Variants in SIPA1L3 observed in about 807,000 individuals in gnomAD.
SIPA1L3 encodes the protein signal induced proliferation associated 1 like 3.
SIPA1L3 carries 59 observed loss-of-function variants against 150.1 expected under a neutral mutation model. That is an observed-to-expected ratio of 0.39 (90% CI 0.32 to 0.49). The LOEUF (loss-of-function observed/expected upper bound fraction) is 0.49, where lower values mean the gene tolerates loss of function less well. Ranked by LOEUF, SIPA1L3 falls within the 20% of genes least tolerant of loss-of-function variation. SIPA1L3 has a pLI of 0.86. For missense variants in SIPA1L3, 2,211 were observed against 2,489.5 expected (o/e 0.89, Z 2.38); for synonymous variants, 1,070 against 1,077.6 (o/e 0.99, Z 0.14).
chr19:38,100,608 G>T (rs940491683), intron 5 of SIPA1L3, among the ~76,000 whole-genome samples: 4 of 152,204 alleles, frequency 2.6e-5, no homozygotes, highest in Admixed American at 1.3e-4. Flanking sequence ...AGTCACCAGT[G>T]ACCAGGGGGA....
intron 1 of SIPA1L3, among the ~76,000 whole-genome samples, chr19:37,915,809 G>A (rs1409137156): frequency 6.6e-6 from 1 of 152,202 alleles, no homozygotes; most frequent in Non-Finnish European, 1.5e-5. Flanking sequence ...TGACCTGTGT[G>A]CACTTTGATT....
intron 3 of SIPA1L3, among the ~76,000 whole-genome samples, chr19:38,083,742 G>A (rs1055264824): frequency 4.6e-5 from 7 of 152,156 alleles, no homozygotes; most frequent in Non-Finnish European, 4.4e-5. Flanking sequence ...TGTAATCCCA[G>A]CACTTTGGGA....
intron 1 of SIPA1L3, among the ~76,000 whole-genome samples, chr19:37,982,641 A>C (rs1967230966): frequency 6.6e-6 from 1 of 152,172 alleles, no homozygotes; most frequent in Non-Finnish European, 1.5e-5. Flanking sequence ...CGCCATGTAA[A>C]TGGCTCCAGC....
intron 2 of SIPA1L3, among the ~76,000 whole-genome samples, chr19:38,048,637 C>T (rs574418799): frequency 6.6e-5 from 10 of 152,330 alleles, no homozygotes; most frequent in Admixed American, 5.2e-4. Context: ...CTGCCAAGCT[C>T]AGTCCCTGAC....
At chr19:38,186,542 C>T (rs149176357) in intron 16 of SIPA1L3, among the ~76,000 whole-genome samples, 2,424 of 151,176 alleles carry the variant, frequency 0.016, 64 homozygotes, top group African/African-American at 0.056. Flanking sequence ...TTAATAGAGA[C>T]GGGGTTTCAC....
intron 2 of SIPA1L3, among the ~76,000 whole-genome samples, chr19:38,071,878 A>G (rs1969730975): frequency 6.6e-6 from 1 of 152,284 alleles, no homozygotes; most frequent in Non-Finnish European, 1.5e-5. Context: ...GAAGGAACAC[A>G]TTTTGTGGAT....
At chr19:38,198,258 C>G in intron 18 of SIPA1L3, 131 bp from the exon 19 acceptor site, 1 of 1,113,548 alleles carries the variant, frequency 9.0e-7, no homozygotes, top group Non-Finnish European at 1.2e-6. Flanking sequence ...CCAGCACTCC[C>G]AGACCCCTTA....
At chr19:38,187,008 A>T (rs1250398660) in intron 16 of SIPA1L3, among the ~76,000 whole-genome samples, 4 of 79,830 alleles carry the variant, frequency 5.0e-5, no homozygotes, top group Non-Finnish European at 7.4e-5. Context: ...ACTCTGTCTC[A>T]AAAAAAAAAA....
At chr19:38,202,111 A>T in intron 20 of SIPA1L3, 114 bp downstream of exon 20, 1 of 1,045,786 alleles carries the variant, frequency 9.6e-7, no homozygotes, top group Non-Finnish European at 1.4e-6. Context: ...CTCCGGGCGG[A>T]AGCTGATATA....
At chr19:37,922,554 C>T (rs996575475) in intron 1 of SIPA1L3, among the ~76,000 whole-genome samples, 7 of 151,826 alleles carry the variant, frequency 4.6e-5, no homozygotes, top group Non-Finnish European at 7.4e-5. Context: ...CCACCGCACC[C>T]GGCTAATTTT....
In SIPA1L3 at chr19:38,082,819, C is replaced by G; in HGVS notation, c.1254C>G (p.Asp418Glu). The G allele has an allele frequency of 6.2e-7, 1 of 1,613,694 alleles. No individual in the cohort carries two copies. Residue 418 changes from aspartate (D) to glutamate (E), a missense_variant, in exon 3 of 22, where the codon GAC becomes GAG. Around this residue, in one of 5 missense-constraint regions of SIPA1L3, gnomAD observed 587 missense variants for 534.5 expected, o/e 1.10. Coordinates refer to ENST00000222345, the MANE Select transcript of SIPA1L3 (RefSeq NM_015073.3). ...ACTTGGAGCAGGACCTCGGCGATGA[C>G]AACAGCAACGACCTGCTGCTCAGCT... ...KENLEQDLGD[D>E]NSNDLLLSCP...
intron 3 of SIPA1L3, 152 bp downstream of exon 3, chr19:38,083,251 C>A: frequency 1.2e-6 from 1 of 834,326 alleles, no homozygotes; most frequent in Non-Finnish European, 1.8e-6. Context: ...CTGTGAGGAT[C>A]CGGTGAGCAG....
intron 1 of SIPA1L3, among the ~76,000 whole-genome samples, chr19:38,009,639 G>A (rs1968051559): frequency 6.6e-6 from 1 of 152,080 alleles, no homozygotes. Flanking sequence ...CTCCCACCAT[G>A]TTACTGATGA....
At position 38,081,517 on chromosome 19, in the gene SIPA1L3, A is replaced by T; in HGVS notation, c.-49A>T. ...GGCTGAGGGCTGGGGGACCCCATAG[A>T]GTGACACCACAGCGTACGGGGCCAG... On this transcript the variant is annotated 5_prime_UTR_variant, in exon 3 of 22. Transcript: ENST00000222345. The T allele has an allele frequency of 6.6e-7, 1 of 1,505,946 alleles. No individual in the cohort carries two copies. The highest frequency in any genetic ancestry group is 8.9e-7 in the Non-Finnish European group (1 of 1,117,460). The allele number at this position is 1,505,946 out of a possible 1,614,324, so 93.3% of individuals were successfully genotyped here. A position where few individuals can be genotyped will look rare whatever the true frequency, so the allele number is the denominator to read the frequency against.
chr19:38,176,249 G>A (rs1488109620), intron 15 of SIPA1L3, among the ~76,000 whole-genome samples: 1 of 151,940 alleles, frequency 6.6e-6, no homozygotes, highest in East Asian at 2.0e-4. Context: ...CTGACCTCGG[G>A]TGATCCATTC....
intron 2 of SIPA1L3, among the ~76,000 whole-genome samples, chr19:38,077,270 C>G (rs1218273997): frequency 6.6e-6 from 1 of 151,870 alleles, no homozygotes; most frequent in African/African-American, 2.4e-5. Flanking sequence ...GGGCAACATA[C>G]TAAGACCCCA....
At chr19:38,101,248 T>A in intron 6 of SIPA1L3, 22 bp downstream of exon 6, 1 of 1,487,838 alleles carries the variant, frequency 6.7e-7, no homozygotes, top group Non-Finnish European at 9.0e-7. Context: ...GCCGGTTAGA[T>A]CACAGTGAGC....
At chr19:38,013,373 T>C (rs1968152357) in intron 1 of SIPA1L3, among the ~76,000 whole-genome samples, 1 of 152,004 alleles carries the variant, frequency 6.6e-6, no homozygotes, top group Non-Finnish European at 1.5e-5. Flanking sequence ...GGAGGACATG[T>C]GAATCACTGC....
intron 3 of SIPA1L3, among the ~76,000 whole-genome samples, chr19:38,087,316 A>T (rs1970156672): frequency 6.6e-6 from 1 of 152,234 alleles, no homozygotes; most frequent in African/African-American, 2.4e-5. Flanking sequence ...TCTGTAGAGT[A>T]CAATGTTTAT....
Sources: allele counts gnomAD v4.1 joint callset (sites outside exome capture counted in the v4.1 genomes callset), GRCh38; gene constraint gnomAD v4.1.1; regional missense constraint gnomAD v4.1.1; transcripts MANE v1.5; gene names NCBI Gene and HGNC (gene_info 2026-07-23, HGNC 2026-07-21).